The following TENM3 variants were observed in gnomAD, a reference collection of about 807,000 sequenced individuals.
TENM3 encodes teneurin transmembrane protein 3.
A neutral mutation model predicts 255.1 loss-of-function variants in TENM3; 63 were observed. The observed-to-expected ratio is 0.25, with a 90% CI of 0.20 to 0.30. The LOEUF (loss-of-function observed/expected upper bound fraction) is 0.30, where lower values mean the gene tolerates loss of function less well. TENM3 is among the 10% of genes least tolerant of loss of function. TENM3 has a pLI of 1.00. For missense variants in TENM3, 2,929 were observed against 3,461.1 expected (o/e 0.85, Z 3.86); for synonymous variants, 1,306 against 1,322.3 (o/e 0.99, Z 0.27).
intron 1 of TENM3, among the ~76,000 whole-genome samples, chr4:182,157,559 CT>C (rs556727313): frequency 4.4e-4 from 67 of 152,330 alleles, no homozygotes; most frequent in South Asian, 3.9e-3. Context: ...AATAGCTCCT[CT>C]CCACAAAAGG....
At chr4:181,589,328 T>C in the TENM3 span, among the ~76,000 whole-genome samples, 7,885 of 152,294 alleles carry the variant, frequency 0.052, 314 homozygotes, top group South Asian at 0.14. Context: ...GGTTTATAAA[T>C]TACTGAAGGG....
At chr4:182,440,216 G>A (rs559928900) in intron 3 of TENM3, among the ~76,000 whole-genome samples, 6 of 150,012 alleles carry the variant, frequency 4.0e-5, no homozygotes, top group Admixed American at 1.3e-4. Context: ...GGGTTCAAGC[G>A]ATTCTCTGCC....
At chr4:182,100,848 T>C in the TENM3 span, among the ~76,000 whole-genome samples, 5 of 10,612 alleles carry the variant, frequency 4.7e-4, no homozygotes, top group African/African-American at 1.2e-3. Flanking sequence ...TACTCATATA[T>C]ATATATATAC....
the TENM3 span, among the ~76,000 whole-genome samples, chr4:181,746,579 G>C: frequency 5.3e-5 from 8 of 151,708 alleles, no homozygotes; most frequent in African/African-American, 1.9e-4. Flanking sequence ...TTTTTTCTTT[G>C]GCTGTATACT....
chr4:182,454,963 C>G (rs1326307817), intron 3 of TENM3, among the ~76,000 whole-genome samples: 1 of 152,196 alleles, frequency 6.6e-6, no homozygotes, highest in African/African-American at 2.4e-5. Flanking sequence ...ACTGAATTCT[C>G]TTTTGTTACA....
At chr4:181,526,268 T>TA in the TENM3 span, among the ~76,000 whole-genome samples, 45,901 of 144,972 alleles carry the variant, frequency 0.32, 7,192 homozygotes, top group South Asian at 0.54. Context: ...GAATCCAAAT[T>TA]AAAAAAAAAA....
At chr4:181,802,733 G>A in the TENM3 span, among the ~76,000 whole-genome samples, 2 of 152,014 alleles carry the variant, frequency 1.3e-5, no homozygotes, top group African/African-American at 4.8e-5. Flanking sequence ...AAGTGCTTTA[G>A]CTCTCTATTT....
intron 12 of TENM3, among the ~76,000 whole-genome samples, chr4:182,700,017 C>G (rs534394020): frequency 6.6e-6 from 1 of 152,078 alleles, no homozygotes; most frequent in Non-Finnish European, 1.5e-5. Flanking sequence ...GTGAAACCAG[C>G]TGCAGAATAA....
chr4:182,617,226 A>T (rs974387808), intron 4 of TENM3, among the ~76,000 whole-genome samples: 1 of 152,218 alleles, frequency 6.6e-6, no homozygotes, highest in Non-Finnish European at 1.5e-5. Context: ...ATTAGAGACC[A>T]CAAGGAATTA....
intron 24 of TENM3, among the ~76,000 whole-genome samples, chr4:182,779,604 T>C (rs185625053): frequency 0.025 from 3,836 of 152,268 alleles, 58 homozygotes; most frequent in Middle Eastern, 0.075. Flanking sequence ...AAATGGTATT[T>C]CCAGTTCTAG....
At chr4:182,155,811 C>T (rs1167004017) in intron 1 of TENM3, among the ~76,000 whole-genome samples, 1 of 152,066 alleles carries the variant, frequency 6.6e-6, no homozygotes, top group Non-Finnish European at 1.5e-5. Flanking sequence ...AGAAACATTA[C>T]TCATCATTTA....
At chr4:181,481,081 A>G in the TENM3 span, among the ~76,000 whole-genome samples, 1 of 151,926 alleles carries the variant, frequency 6.6e-6, no homozygotes, top group African/African-American at 2.4e-5. Flanking sequence ...ATGAAAGTAT[A>G]CCTACTTGAG....
At chr4:181,544,446 G>A in the TENM3 span, among the ~76,000 whole-genome samples, 8 of 85,732 alleles carry the variant, frequency 9.3e-5, no homozygotes, top group South Asian at 3.7e-4. Flanking sequence ...ACTATAACTC[G>A]TATGGAACCA....
chr4:182,583,223 A>G (rs1224699433), intron 3 of TENM3, among the ~76,000 whole-genome samples: 3 of 152,224 alleles, frequency 2.0e-5, no homozygotes, highest in East Asian at 3.9e-4. Context: ...GTCCTTTACA[A>G]TGTTTTAAAT....
the TENM3 span, among the ~76,000 whole-genome samples, chr4:181,953,403 A>G: frequency 6.6e-6 from 1 of 152,164 alleles, no homozygotes; most frequent in African/African-American, 2.4e-5. Context: ...ATAAGCATGC[A>G]TGCACATACC....
chr4:182,306,376 A>G (rs1054159752), intron 1 of TENM3, among the ~76,000 whole-genome samples: 8 of 151,992 alleles, frequency 5.3e-5, no homozygotes, highest in Admixed American at 1.3e-4. Flanking sequence ...TTTCTGAATC[A>G]GGTTTGTACA....
At chr4:181,980,187 A>C in the TENM3 span, 3 of 152,218 alleles carry the variant, frequency 2.0e-5, no homozygotes, top group Admixed American at 2.0e-4. Context: ...CTAATGTCAG[A>C]GGCAATATTT....
the TENM3 span, among the ~76,000 whole-genome samples, chr4:181,782,070 C>G: frequency 6.6e-6 from 1 of 151,726 alleles, no homozygotes; most frequent in Non-Finnish European, 1.5e-5. Context: ...GGATATTGGT[C>G]TAAAATTCTT....
chr4:181,942,590 G>T, the TENM3 span, among the ~76,000 whole-genome samples: 4 of 152,136 alleles, frequency 2.6e-5, no homozygotes, highest in East Asian at 7.7e-4. Context: ...TTTTCTTACT[G>T]CTCTCTGCAC....
Sources: gnomAD v4.1 joint callset for allele counts (sites outside exome capture counted in the v4.1 genomes callset) on GRCh38, gnomAD v4.1.1 for gene constraint, MANE v1.5 for transcripts, NCBI Gene and HGNC (gene_info 2026-07-23, HGNC 2026-07-21) for gene names.